SCN2A: variants seen among roughly 807,000 people sequenced by gnomAD.
SCN2A encodes the protein sodium channel protein type 2 subunit alpha.
Under a neutral mutation model 188.7 loss-of-function variants are expected in SCN2A, and 20 were observed. The observed-to-expected ratio is 0.11, with a 90% CI of 0.07 to 0.15. The LOEUF is 0.15. Among genes scored for constraint, SCN2A ranks in the 10% least tolerant of loss-of-function variants. The pLI is 1.00. For synonymous variants in SCN2A, 804 were observed against 833.1 expected, an observed-to-expected ratio of 0.97 and a Z score of 0.60; for missense variants, 1,278 against 2,445.0, an observed-to-expected ratio of 0.52 and a Z score of 10.07.
At position 165,352,810 on chromosome 2, in the gene SCN2A, T is replaced by G. The variant is rs543152097; in HGVS notation, c.2920-1382T>G. On this transcript the variant is annotated intron_variant, in intron 16 of 26. Coordinates refer to ENST00000375437, the MANE Select transcript of SCN2A (RefSeq NM_001040142.2). ...TTCTCAAGACTTGTCATTATGTACA[T>G]GCAAATATTTTAAAATCTAAAATCC... 3.7e-4 allele frequency among the ~76,000 whole-genome samples: 57 copies of G among 152,338 alleles called. 1 individual carries two copies. Among genetic ancestry groups the G allele is most frequent in the African/African-American group, 1.3e-3 (55 of 41,588 alleles).
At chr2:165,367,787 C>T (rs1700806049) in intron 19 of SCN2A, among the ~76,000 whole-genome samples, 1 of 152,182 alleles carries the variant, frequency 6.6e-6, no homozygotes. Context: ...CTCACTGCTC[C>T]ACCCCTCACA....
intron 1 of SCN2A, among the ~76,000 whole-genome samples, chr2:165,255,546 T>C (rs1694275314): frequency 6.6e-6 from 1 of 152,186 alleles, no homozygotes; most frequent in African/African-American, 2.4e-5. Flanking sequence ...AAAATATGGC[T>C]CTATGGTTTA....
intron 11 of SCN2A, among the ~76,000 whole-genome samples, chr2:165,317,785 A>G (rs1296568573): frequency 6.6e-6 from 1 of 152,130 alleles, no homozygotes; most frequent in Non-Finnish European, 1.5e-5. Flanking sequence ...GCTGGCTCAT[A>G]TTGATACTTG....
At chr2:165,326,753 C>A in intron 12 of SCN2A, 99 bp from the exon 13 acceptor site, 1 of 1,257,428 alleles carries the variant, frequency 8.0e-7, no homozygotes, top group African/African-American at 1.5e-5. Context: ...TCTGAGAAAG[C>A]ATGGTGTATA....
chr2:165,296,238 A>C, intron 2 of SCN2A, 148 bp downstream of exon 2: 1 of 763,418 alleles, frequency 1.3e-6, no homozygotes, highest in South Asian at 1.6e-5. Flanking sequence ...TAATGGACCA[A>C]TGATCCTAGA....
chr2:165,322,420 C>T (rs1251388382), intron 11 of SCN2A, among the ~76,000 whole-genome samples: 1 of 152,088 alleles, frequency 6.6e-6, no homozygotes, highest in African/African-American at 2.4e-5. Context: ...CAAGGCTGAA[C>T]AGGGTACTGA....
intron 26 of SCN2A, 124 bp downstream of exon 26, chr2:165,387,140 GT>G: frequency 9.9e-7 from 1 of 1,011,484 alleles, no homozygotes; most frequent in Non-Finnish European, 1.5e-6. Flanking sequence ...AAATCTAATA[GT>G]CCATTGTTTT....
In SCN2A at chr2:165,367,287, G is replaced by T; in HGVS notation, c.3591G>T (p.Leu1197Phe). 2 of 1,614,146 alleles carry T rather than the reference G, an allele frequency of 1.2e-6. No homozygotes were observed. Among genetic ancestry groups the T allele is most frequent in the East Asian group, 4.5e-5 (2 of 44,868 alleles). The change falls in exon 19 of 27, where the codon TTG becomes TTT. Residue 1197 changes from leucine to phenylalanine, a missense_variant. Physicochemically the swap from Leu to Phe is conservative, Grantham distance 22 (BLOSUM62 0). This residue lies in a region of SCN2A where 228 missense variants were observed against 297.3 expected (regional missense o/e 0.77). Transcript: ENST00000375437. ...EEGKGKLWWN[L>F]RKTCYKIVEH... ...GCAAAGGGAAACTCTGGTGGAATTTGAGGAAAACATGCTATAAGATAGTGG... is the reference window on the plus strand; with the variant it reads ...GCAAAGGGAAACTCTGGTGGAATTTTAGGAAAACATGCTATAAGATAGTGG...
chr2:165,367,402 T>G (rs1266665703), intron 19 of SCN2A, 31 bp downstream of exon 19: 3 of 1,610,610 alleles, frequency 1.9e-6, no homozygotes, highest in Admixed American at 3.3e-5. Flanking sequence ...TCCTTCACCT[T>G]TCATCTGAAA....
Position 165,374,778 on chromosome 2 carries a change from G to A in SCN2A, c.4066G>A (p.Val1356Met). The A allele has an allele frequency of 6.2e-7, 1 of 1,613,374 alleles. No homozygotes were observed. Among genetic ancestry groups the A allele is most frequent in the Non-Finnish European group, 8.5e-7 (1 of 1,179,516 alleles). ...TTGGCTAATATTCAGTATCATGGGAGTGAATCTCTTTGCTGGCAAGTTTTA... is the reference window on the plus strand; with the variant it reads ...TTGGCTAATATTCAGTATCATGGGAATGAATCTCTTTGCTGGCAAGTTTTA... ...IFWLIFSIMGVNLFAGKFYHC... is the reference protein window; with the variant it reads ...IFWLIFSIMGMNLFAGKFYHC... Residue 1356 changes from valine to methionine, a missense_variant, in exon 22 of 27, where the codon GTG (valine) becomes ATG (methionine). This residue lies in a region of SCN2A where 39 missense variants were observed against 130.2 expected (regional missense o/e 0.30). Coordinates refer to ENST00000375437, the MANE Select transcript of SCN2A (RefSeq NM_001040142.2).
intron 13 of SCN2A, among the ~76,000 whole-genome samples, chr2:165,330,859 G>C (rs1411217811): frequency 2.0e-5 from 3 of 152,078 alleles, no homozygotes; most frequent in Admixed American, 6.6e-5. Flanking sequence ...ACTGAGATTG[G>C]TGACACTGAC....
intron 3 of SCN2A, among the ~76,000 whole-genome samples, chr2:165,303,478 T>G (rs933679584): frequency 4.6e-5 from 7 of 151,998 alleles, no homozygotes; most frequent in Non-Finnish European, 1.0e-4. Context: ...TATTTCACCG[T>G]GTTAGCCAGG....
chr2:165,342,180 C>A lies in SCN2A; in HGVS notation c.2389-116C>A, dbSNP rs1574636099. 1.5e-5 allele frequency: 15 copies of A among 992,234 alleles called. No homozygotes were observed. In the East Asian group the frequency reaches 3.9e-4, roughly 26 times the overall value. 61.5% of individuals were successfully genotyped at this position (992,234 alleles called of 1,614,324 possible). On this transcript the variant is annotated intron_variant, in intron 14 of 26. Transcript: ENST00000375437. ...TAGATACTAAGTTGTTGGACCTAAA[C>A]CAATTTTTTAAAATCAGAATTTAAT...
At chr2:165,351,800 T>C (rs907181791) in intron 16 of SCN2A, among the ~76,000 whole-genome samples, 3 of 152,084 alleles carry the variant, frequency 2.0e-5, no homozygotes, top group African/African-American at 7.2e-5. Context: ...GTATTGATAC[T>C]GCTCTAGGAC....
chr2:165,315,855 C>T, intron 11 of SCN2A, 97 bp downstream of exon 11: 1 of 1,342,078 alleles, frequency 7.5e-7, no homozygotes, highest in Non-Finnish European at 1.0e-6. Flanking sequence ...ACCTGGATGG[C>T]ACAATGCTTT....
In SCN2A at chr2:165,295,985, T is replaced by A; in HGVS notation, c.162T>A (p.Ser54Arg). The A allele has an allele frequency of 6.2e-7, 1 of 1,614,036 alleles. No homozygotes were observed. The highest frequency in any genetic ancestry group is 8.5e-7 in the Non-Finnish European group (1 of 1,179,996). ...EDDENGPKPN[S>R]DLEAGKSLPF... ...ATGAAAATGGCCCAAAGCCAAACAG[T>A]GACTTGGAAGCAGGAAAATCTCTTC... Residue 54 changes from serine to arginine, a missense_variant, in exon 2 of 27, where the codon AGT (serine) becomes AGA (arginine). Ser to Arg is a moderately radical substitution (Grantham distance 110). Around this residue, in one of 17 missense-constraint regions of SCN2A, gnomAD observed 141 missense variants for 185.4 expected, o/e 0.76. Coordinates refer to ENST00000375437, the MANE Select transcript of SCN2A (RefSeq NM_001040142.2).
chr2:165,255,880 TC>T (rs1430998236), intron 1 of SCN2A, among the ~76,000 whole-genome samples: 2 of 151,004 alleles, frequency 1.3e-5, no homozygotes, highest in Non-Finnish European at 3.0e-5. Flanking sequence ...AGATTTTTCT[TC>T]CCCGCCCACC....
At chr2:165,347,469 C>T (rs1446152517) in intron 16 of SCN2A, among the ~76,000 whole-genome samples, 1 of 152,022 alleles carries the variant, frequency 6.6e-6, no homozygotes, top group African/African-American at 2.4e-5. Flanking sequence ...GGAGGGAGAG[C>T]ATTAGGAGAA....
At chr2:165,293,424 A>G (rs1332791061) in intron 1 of SCN2A, among the ~76,000 whole-genome samples, 1 of 152,188 alleles carries the variant, frequency 6.6e-6, no homozygotes, top group African/African-American at 2.4e-5. Context: ...CTATTACACA[A>G]CTAGGTTACA....
Sources: allele counts gnomAD v4.1 joint callset (sites outside exome capture counted in the v4.1 genomes callset), GRCh38; gene constraint gnomAD v4.1.1; regional missense constraint gnomAD v4.1.1; transcripts MANE v1.5; gene names NCBI Gene and HGNC (gene_info 2026-07-23, HGNC 2026-07-21).